The following ARID1B variants were observed in gnomAD, a reference collection of about 807,000 sequenced individuals.
ARID1B encodes AT-rich interactive domain-containing protein 1B.
Under a neutral mutation model 212.3 loss-of-function variants are expected in ARID1B, and 30 were observed. The ratio of observed to expected loss-of-function variants is 0.14; its 90% CI spans 0.11 to 0.19. The LOEUF (loss-of-function observed/expected upper bound fraction) is 0.19, where lower values mean the gene tolerates loss of function less well. ARID1B is among the 10% of genes least tolerant of loss of function. The pLI is 1.00. For missense variants in ARID1B, 2,891 were observed against 3,204.0 expected (o/e 0.90, Z 2.36); for synonymous variants, 1,402 against 1,301.7 (o/e 1.08, Z -1.66).
intron 4 of ARID1B, chr6:156,984,927 C>G (rs1777835753): frequency 6.6e-6 from 1 of 152,292 alleles, no homozygotes; most frequent in Non-Finnish European, 1.5e-5. Flanking sequence ...CTCCTGGACT[C>G]AAGCAATCCA....
At chr6:157,103,793 T>A (rs888600244) in intron 5 of ARID1B, among the ~76,000 whole-genome samples, 5 of 151,832 alleles carry the variant, frequency 3.3e-5, no homozygotes, top group African/African-American at 7.3e-5. Flanking sequence ...ATAAGTGGCA[T>A]TTATTCCAGA....
chr6:156,904,591 G>C (rs1789213784), intron 3 of ARID1B, among the ~76,000 whole-genome samples: 1 of 152,214 alleles, frequency 6.6e-6, no homozygotes, highest in Admixed American at 6.5e-5. Context: ...GCACGTGAGA[G>C]GACTCTTCCT....
chr6:157,090,766 T>C (rs73017160), intron 5 of ARID1B, among the ~76,000 whole-genome samples: 16,452 of 152,108 alleles, frequency 0.11, 1,136 homozygotes, highest in Non-Finnish European at 0.13. Context: ...TGGGTCAGGG[T>C]GCCTTCAGAG....
chr6:157,097,109 A>G (rs1409942386), intron 5 of ARID1B, among the ~76,000 whole-genome samples: 1 of 152,218 alleles, frequency 6.6e-6, no homozygotes, highest in African/African-American at 2.4e-5. Flanking sequence ...TTTTATGCCA[A>G]GGGTTTAAAA....
At chr6:157,110,585 C>A (rs148433217) in intron 6 of ARID1B, 24 bp downstream of exon 6, 3 of 1,609,596 alleles carry the variant, frequency 1.9e-6, no homozygotes, top group South Asian at 2.2e-5. Flanking sequence ...TCATGTCTTA[C>A]ATGCCTATAG....
chr6:156,948,437 C>T (rs2128300376), intron 4 of ARID1B, among the ~76,000 whole-genome samples: 1 of 152,226 alleles, frequency 6.6e-6, no homozygotes, highest in Non-Finnish European at 1.5e-5. Flanking sequence ...GAGGGTGTCT[C>T]ACTCTGTTGC....
chr6:157,078,108 T>TTAA (rs1361776398), intron 4 of ARID1B, among the ~76,000 whole-genome samples: 4 of 152,284 alleles, frequency 2.6e-5, no homozygotes, highest in African/African-American at 7.2e-5. Flanking sequence ...TTCGTTGGAC[T>TTAA]TAAGTATGAT....
intron 9 of ARID1B, chr6:157,168,067 C>G (rs1448420129): frequency 2.6e-5 from 4 of 152,260 alleles, no homozygotes; most frequent in Non-Finnish European, 5.9e-5. Context: ...ATGCATGGGA[C>G]AGCCAGATCC....
At chr6:157,121,058 G>A (rs530879620) in intron 6 of ARID1B, among the ~76,000 whole-genome samples, 2 of 152,266 alleles carry the variant, frequency 1.3e-5, no homozygotes, top group African/African-American at 4.8e-5. Context: ...TGCAGAATTT[G>A]TTGTGTCCCA....
rs1331127893 is a variant in ARID1B at position 157,206,509 on chromosome 6, A to G, written c.5737A>G (p.Lys1913Glu). ...CAGTAAGTTCGACAAGCTGCCAATA[A>G]AGATAGTCAAAAAGAACAACCTGTT... Reference protein sequence around the residue: ...QASKFDKLPIKIVKKNNLFVV... With the variant: ...QASKFDKLPIEIVKKNNLFVV... Residue 1913 changes from lysine to glutamate, a missense_variant, in exon 20 of 20, where the codon AAG (lysine) becomes GAG (glutamate). Lys to Glu is a moderately conservative substitution (Grantham distance 56). Transcript: ENST00000636930. This position sits in a 1 kb window ranked among gnomAD's most constrained non-coding sequence, Gnocchi z 6.8. The G allele has an allele frequency of 6.2e-7, 1 of 1,614,146 alleles. No homozygotes were observed. Among genetic ancestry groups the G allele is most frequent in the South Asian group, 1.1e-5 (1 of 91,084 alleles).
intron 17 of ARID1B, 109 bp downstream of exon 17, chr6:157,199,016 T>C (rs1448985537): frequency 1.1e-6 from 1 of 917,052 alleles, no homozygotes; most frequent in Non-Finnish European, 1.6e-6. Flanking sequence ...ACAAAAATGA[T>C]TAGTGTTTGT....
intron 6 of ARID1B, among the ~76,000 whole-genome samples, chr6:157,129,963 G>A (rs939674433): frequency 3.9e-5 from 6 of 152,154 alleles, no homozygotes; most frequent in East Asian, 1.9e-4. Context: ...GAGGTCAGGC[G>A]TTCGAGACCA....
At chr6:157,109,348 G>A (rs938856089) in intron 5 of ARID1B, among the ~76,000 whole-genome samples, 2 of 152,156 alleles carry the variant, frequency 1.3e-5, no homozygotes, top group Non-Finnish European at 2.9e-5. Flanking sequence ...TGGGTCTGAC[G>A]GAGTCAGAGC....
At chr6:157,000,791 T>G (rs1778870294) in intron 4 of ARID1B, among the ~76,000 whole-genome samples, 1 of 150,320 alleles carries the variant, frequency 6.7e-6, no homozygotes, top group Non-Finnish European at 1.5e-5. Flanking sequence ...TCTCCCAGGT[T>G]CAAACGATTC....
intron 6 of ARID1B, among the ~76,000 whole-genome samples, chr6:157,127,632 C>G (rs1328151761): frequency 6.6e-6 from 1 of 151,556 alleles, no homozygotes; most frequent in Non-Finnish European, 1.5e-5. Context: ...AAAAATTAGC[C>G]GGGCATGGTG....
At position 156,777,873 on chromosome 6, in the gene ARID1B, G is replaced by A. The variant is rs1475395446; in HGVS notation, c.193G>A (p.Gly65Ser). The change falls in exon 1 of 20, where the codon GGC becomes AGC. Residue 65 changes from glycine to serine, a missense_variant. By Grantham distance (56) the Gly-to-Ser change is moderately conservative (BLOSUM62 0). This residue lies in a region of ARID1B where 1,643 missense variants were observed against 1,544.0 expected (regional missense o/e 1.06). Transcript: ENST00000636930. ...CATGCTGGGGGGCGGCGGCGACGGC[G>A]GCGGCGGCCTGAACAGTGTGCACCA... ...GPMLGGGGDGGGGLNSVHHHP... is the reference protein window; with the variant it reads ...GPMLGGGGDGSGGLNSVHHHP... 7.4e-7 allele frequency: 1 copy of A among 1,347,058 alleles called. No individual in the cohort carries two copies. The allele number at this position is 1,347,058 out of a possible 1,614,324, so 83.4% of individuals were successfully genotyped here.
At chr6:156,966,100 C>G (rs968170269) in intron 4 of ARID1B, among the ~76,000 whole-genome samples, 1 of 152,126 alleles carries the variant, frequency 6.6e-6, no homozygotes, top group African/African-American at 2.4e-5. Context: ...GTGGGACTGG[C>G]CTTTATCTGT....
chr6:157,084,361 G>C (rs12209122), intron 4 of ARID1B, among the ~76,000 whole-genome samples: 9 of 151,984 alleles, frequency 5.9e-5, no homozygotes, highest in Non-Finnish European at 1.2e-4. Flanking sequence ...GTGTTGTGTG[G>C]CATTTTGAAC....
At chr6:157,018,891 TG>T (rs56178843) in intron 4 of ARID1B, among the ~76,000 whole-genome samples, 68,222 of 151,772 alleles carry the variant, frequency 0.45, 16,103 homozygotes, top group East Asian at 0.66. Context: ...ATTCCAACCA[TG>T]GGGGGTCAGG....
Sources: allele counts gnomAD v4.1 joint callset (sites outside exome capture counted in the v4.1 genomes callset), GRCh38; gene constraint gnomAD v4.1.1; regional missense constraint gnomAD v4.1.1; non-coding constraint Gnocchi (gnomAD v3.1); transcripts MANE v1.5; gene names NCBI Gene and HGNC (gene_info 2026-07-23, HGNC 2026-07-21).